Variants in AKT2 observed in about 807,000 individuals in gnomAD.
AKT2 encodes the protein AKT serine/threonine kinase 2, also known as RAC-beta serine/threonine-protein kinase.
AKT2 carries 16 observed loss-of-function variants against 58.6 expected under a neutral mutation model. The ratio of observed to expected loss-of-function variants is 0.27; its 90% confidence interval spans 0.18 to 0.41. The LOEUF is 0.41. AKT2 is among the 10% of genes least tolerant of loss of function. AKT2 has a pLI of 1.00. For missense variants in AKT2, 438 were observed against 661.0 expected, an observed-to-expected ratio of 0.66 and a Z score of 3.70; for synonymous variants, 253 against 254.0, an observed-to-expected ratio of 1.00 and a Z score of 0.04.
intron 1 of AKT2, 131 bp from the exon 2 acceptor site, chr19:40,265,482 C>T (rs1470877945): frequency 7.2e-6 from 9 of 1,253,906 alleles, no homozygotes; most frequent in African/African-American, 6.0e-5. Context: ...GCAAGGGTGG[C>T]GTGGAGCCCG....
intron 4 of AKT2, among the ~76,000 whole-genome samples, chr19:40,250,063 TA>T (rs1254573901): frequency 6.6e-6 from 1 of 152,154 alleles, no homozygotes; most frequent in African/African-American, 2.4e-5. Flanking sequence ...GACACGTGGC[TA>T]AGTGAGGGTG....
intron 2 of AKT2, among the ~76,000 whole-genome samples, chr19:40,258,321 A>G (rs1284050359): frequency 2.6e-5 from 4 of 151,812 alleles, no homozygotes; most frequent in African/African-American, 4.8e-5. Flanking sequence ...ACTAAAACCA[A>G]CTGAACTGTA....
chr19:40,266,045 C>A (rs984555186), intron 1 of AKT2: 1 of 152,890 alleles, frequency 6.5e-6, no homozygotes, highest in Non-Finnish European at 1.5e-5. Flanking sequence ...GAAGCCAGTC[C>A]TGGGGGCTTG....
chr19:40,232,916 A>G lies in AKT2; in HGVS notation c.*956T>C, dbSNP rs1353738915. The stretch of plus-strand genomic sequence containing the variant: ...CCCTTTTCAGAGGCCCCCCACCCCA[A>G]TAGGTACCAGAGATGCCCACCCCCA... On this transcript the variant is annotated 3_prime_UTR_variant, in exon 14 of 14. Coordinates refer to ENST00000392038, the MANE Select transcript of AKT2 (RefSeq NM_001626.6). The G allele has an allele frequency of 4.9e-6, 1 of 203,318 alleles. No homozygotes were observed. The highest frequency in any genetic ancestry group is 2.3e-5 in the African/African-American group (1 of 43,150). 12.6% of individuals were successfully genotyped at this position (203,318 alleles called of 1,614,324 possible). A position where few individuals can be genotyped will look rare whatever the true frequency, so the allele number is the denominator to read the frequency against.
In AKT2 at chr19:40,234,626, G is replaced by T; in HGVS notation, c.1366+419C>A. The T allele has an allele frequency of 2.2e-6, 1 of 462,278 alleles. No homozygotes were observed. The highest frequency in any genetic ancestry group is 3.8e-6 in the Non-Finnish European group (1 of 263,280). The allele number at this position is 462,278 out of a possible 1,614,324, so 28.6% of individuals were successfully genotyped here. On this transcript the variant is annotated intron_variant, in intron 13 of 13. Transcript: ENST00000392038. The surrounding 1 kb of genome is among the most constrained non-coding windows in gnomAD (Gnocchi z 4.7). ...GATTCCCCAGTCCCTGGCCTCCCACGCCCTAGCCCTGACCACTCCAGGCCG... is the reference window on the plus strand; with the variant it reads ...GATTCCCCAGTCCCTGGCCTCCCACTCCCTAGCCCTGACCACTCCAGGCCG...
At chr19:40,271,989 T>C (rs1203944221) in intron 1 of AKT2, among the ~76,000 whole-genome samples, 2 of 152,236 alleles carry the variant, frequency 1.3e-5, no homozygotes, top group Non-Finnish European at 2.9e-5. Context: ...TCTGGTGCTA[T>C]ATATTGGTTA....
intron 1 of AKT2, 200 bp from the exon 2 acceptor site, chr19:40,265,551 G>A (rs940483685): frequency 2.5e-5 from 17 of 676,636 alleles, no homozygotes; most frequent in Non-Finnish European, 3.8e-5. Flanking sequence ...ACCCCAATCT[G>A]GGGGAAGCAG....
intron 1 of AKT2, chr19:40,275,607 CGACA>C: frequency 3.5e-6 from 1 of 282,250 alleles, no homozygotes; most frequent in South Asian, 3.5e-5. Context: ...CTTTCCATAA[CGACA>C]GAAATGTGGT....
intron 4 of AKT2, among the ~76,000 whole-genome samples, chr19:40,247,595 C>T (rs1385159351): frequency 3.9e-5 from 6 of 152,140 alleles, no homozygotes; most frequent in South Asian, 4.1e-4. Context: ...AGGGAGCCCA[C>T]GGGAAAAGCA....
Position 40,232,903 on chromosome 19 carries a change from G to GC in AKT2, c.*968dup, listed in dbSNP as rs1407850959. The stretch of plus-strand genomic sequence containing the variant: ...GGCCTAGGAGCCTCCCTTTTCAGAG[G>GC]CCCCCCACCCCAATAGGTACCAGAG... On this transcript the variant is annotated 3_prime_UTR_variant, in exon 14 of 14. Transcript: ENST00000392038. 63 of 231,988 alleles carry GC rather than the reference G, an allele frequency of 2.7e-4. No homozygotes were observed. Among genetic ancestry groups the GC allele is most frequent in the Non-Finnish European group, 3.0e-4 (35 of 117,480 alleles). The allele number at this position is 231,988 out of a possible 1,614,324, so 14.4% of individuals were successfully genotyped here.
Position 40,242,307 on chromosome 19 carries a change from A to G in AKT2, c.441+227T>C. 1.2e-6 allele frequency: 1 copy of G among 861,870 alleles called. No individual in the cohort carries two copies. The highest frequency in any genetic ancestry group is 2.6e-5 in the East Asian group (1 of 38,424). 53.4% of individuals were successfully genotyped at this position (861,870 alleles called of 1,614,324 possible). A position where few individuals can be genotyped will look rare whatever the true frequency, so the allele number is the denominator to read the frequency against. On this transcript the variant is annotated intron_variant, in intron 5 of 13. Transcript: ENST00000392038. This position sits in a 1 kb window ranked among gnomAD's most constrained non-coding sequence, Gnocchi z 4.3. ...ACGTGGGGGTAGCCAGGTCTTCACC[A>G]ACTCCCAGGACGAACCTGCAGTGGG... is the stretch of plus-strand genomic sequence containing the variant.
chr19:40,249,065 G>C (rs927665773), intron 4 of AKT2, among the ~76,000 whole-genome samples: 21 of 152,158 alleles, frequency 1.4e-4, no homozygotes, highest in African/African-American at 4.6e-4. Flanking sequence ...GGACAGGGAG[G>C]AGTGGAGGAG....
rs1190784248 is a variant in AKT2, at chr19:40,230,671, TTC to T, written c.*3199_*3200del. 1 of 223,112 alleles carries T rather than the reference TTC, an allele frequency of 4.5e-6. No homozygotes were observed. The highest frequency in any genetic ancestry group is 9.0e-6 in the Non-Finnish European group (1 of 111,730). 13.8% of individuals were successfully genotyped at this position (223,112 alleles called of 1,614,324 possible). On this transcript the variant is annotated 3_prime_UTR_variant, in exon 14 of 14. Coordinates refer to ENST00000392038, the MANE Select transcript of AKT2 (RefSeq NM_001626.6). The stretch of plus-strand genomic sequence containing the variant: ...CCCTGCGACCTCGGGTGAATTTCCT[TTC>T]TTATACTCCTGCTTTGCTGTCTTTT...
rs776944351 is a variant in AKT2, at chr19:40,256,942, G to A, written c.159C>T (p.Asn53=). 6.2e-7 allele frequency: 1 copy of A among 1,614,208 alleles called. No individual in the cohort carries two copies. Among genetic ancestry groups the A allele is most frequent in the East Asian group, 2.2e-5 (1 of 44,886 alleles). ...AAGACACACCTGCTACGGAGAAGTTGTTTAAGGGGGGTAGAGTCTGATCAG... is the reference window on the plus strand; with the variant it reads ...AAGACACACCTGCTACGGAGAAGTTATTTAAGGGGGGTAGAGTCTGATCAG... ...EAPDQTLPPL[N]NFSVAECQLM... Residue 53 remains asparagine (N), a synonymous_variant, in exon 3 of 14, where the codon AAC becomes AAT. Transcript: ENST00000392038.
At chr19:40,277,333 C>G (rs927991812) in intron 1 of AKT2, among the ~76,000 whole-genome samples, 1 of 152,210 alleles carries the variant, frequency 6.6e-6, no homozygotes, top group Admixed American at 6.5e-5. Flanking sequence ...CAATGCCCTG[C>G]AGACACCTCC....
At chr19:40,241,852 G>A in intron 6 of AKT2, 86 bp downstream of exon 6, 28 of 1,584,680 alleles carry the variant, frequency 1.8e-5, no homozygotes, top group Non-Finnish European at 2.2e-5. Context: ...GCAGCAGAAA[G>A]CGCGGGTAAG....
chr19:40,249,572 A>C (rs1323174477), intron 4 of AKT2, among the ~76,000 whole-genome samples: 2 of 152,214 alleles, frequency 1.3e-5, no homozygotes. Flanking sequence ...TCACCGCTTC[A>C]GGAGTGACAG....
In AKT2 at chr19:40,242,265, G is replaced by A; in HGVS notation, c.442-196C>T. 1 of 901,150 alleles carries A rather than the reference G, an allele frequency of 1.1e-6. No homozygotes were observed. The allele number at this position is 901,150 out of a possible 1,614,324, so 55.8% of individuals were successfully genotyped here. On this transcript the variant is annotated intron_variant, in intron 5 of 13. Coordinates refer to ENST00000392038, the MANE Select transcript of AKT2 (RefSeq NM_001626.6). This position sits in a 1 kb window ranked among gnomAD's most constrained non-coding sequence, Gnocchi z 4.3. Reference sequence around the variant, plus strand: ...CCAGGCTCTGCAGGCACAGGGCCTTGGGAGGGCTGGGCTCTGACGTGGGGG... The same window carrying A: ...CCAGGCTCTGCAGGCACAGGGCCTTAGGAGGGCTGGGCTCTGACGTGGGGG...
intron 7 of AKT2, chr19:40,239,475 T>C (rs1974247943): frequency 3.4e-6 from 1 of 293,670 alleles, no homozygotes. Context: ...ACTATTCTGT[T>C]TTCTGCACTG....
Sources: gnomAD v4.1 joint callset for allele counts (sites outside exome capture counted in the v4.1 genomes callset) on GRCh38, gnomAD v4.1.1 for gene constraint, Gnocchi (gnomAD v3.1) non-coding constraint, MANE v1.5 for transcripts, NCBI Gene and HGNC (gene_info 2026-07-23, HGNC 2026-07-21) for gene names.